RAPGEF2: variants seen among roughly 807,000 people sequenced by gnomAD.
RAPGEF2 encodes the protein Rap guanine nucleotide exchange factor 2.
Under a neutral mutation model 186.7 loss-of-function variants are expected in RAPGEF2, and 54 were observed. The ratio of observed to expected loss-of-function variants is 0.29; its 90% CI spans 0.23 to 0.36. RAPGEF2 has a LOEUF of 0.36. Among genes scored for constraint, RAPGEF2 ranks in the 10% least tolerant of loss-of-function variants. RAPGEF2 has a pLI of 1.00. For synonymous variants in RAPGEF2, 712 were observed against 705.9 expected (o/e 1.01, Z -0.14); for missense variants, 1,532 against 2,045.0 (o/e 0.75, Z 4.84).
chr4:159,103,816 G>C lies in RAPGEF2; in HGVS notation c.-347G>C, dbSNP rs1355685004. On this transcript the variant is annotated 5_prime_UTR_variant, in exon 1 of 30. Coordinates refer to ENST00000691494, the MANE Select transcript of RAPGEF2 (RefSeq NM_001394067.2). Reference sequence around the variant, plus strand: ...GAGCCGCCACTGTCCCCCGAGTGGAGCCGGGGAGGCGTGTCGAGCCAGGGC... The same window carrying C: ...GAGCCGCCACTGTCCCCCGAGTGGACCCGGGGAGGCGTGTCGAGCCAGGGC... 6.5e-6 allele frequency: 1 copy of C among 153,160 alleles called. No homozygotes were observed. The highest frequency in any genetic ancestry group is 1.5e-5 in the Non-Finnish European group (1 of 68,886). 9.5% of individuals were successfully genotyped at this position (153,160 alleles called of 1,614,324 possible).
At chr4:159,273,678 CTTT>C (rs1561188984) in intron 7 of RAPGEF2, among the ~76,000 whole-genome samples, 45 of 146,480 alleles carry the variant, frequency 3.1e-4, no homozygotes, top group Non-Finnish European at 7.6e-5. Context: ...TTCTTTCTTT[CTTT>C]CTTTCTTTCT....
At chr4:159,146,739 A>G (rs938782194) in intron 1 of RAPGEF2, among the ~76,000 whole-genome samples, 3 of 152,150 alleles carry the variant, frequency 2.0e-5, no homozygotes, top group Non-Finnish European at 4.4e-5. Context: ...TTCACTGCCT[A>G]TTGTGGGGCT....
chr4:159,262,617 A>G (rs917669358), intron 7 of RAPGEF2, among the ~76,000 whole-genome samples: 2 of 152,210 alleles, frequency 1.3e-5, no homozygotes, highest in African/African-American at 2.4e-5. Flanking sequence ...AAAGCCCCAC[A>G]TGGGAATTTC....
intron 4 of RAPGEF2, among the ~76,000 whole-genome samples, chr4:159,227,206 G>C (rs753812931): frequency 2.6e-5 from 4 of 152,176 alleles, no homozygotes; most frequent in Non-Finnish European, 5.9e-5. Flanking sequence ...CTTGAGATCA[G>C]TTCAGGTTCT....
At position 159,338,369 on chromosome 4, in the gene RAPGEF2, C is replaced by T. The variant is rs768684380; in HGVS notation, c.2194C>T (p.His732Tyr). 3.1e-6 allele frequency: 5 copies of T among 1,613,994 alleles called. No individual in the cohort carries two copies. The African/African-American group carries it at 6.7e-5, about 22-fold the overall frequency. Residue 732 changes from histidine to tyrosine, a missense_variant, in exon 18 of 30, where the codon CAC becomes TAC. His to Tyr is a moderately conservative substitution (Grantham distance 83). Coordinates refer to ENST00000691494, the MANE Select transcript of RAPGEF2 (RefSeq NM_001394067.2). ...DSIVGLRQTK[H>Y]IPTALPVSGT... ...CATAGTAGGATTAAGGCAGACAAAGCACATCCCAACTGCATTGCCTGTCAG... is the reference window on the plus strand; with the variant it reads ...CATAGTAGGATTAAGGCAGACAAAGTACATCCCAACTGCATTGCCTGTCAG...
intron 1 of RAPGEF2, among the ~76,000 whole-genome samples, chr4:159,146,200 G>A (rs1158878093): frequency 1.3e-5 from 2 of 152,054 alleles, no homozygotes; most frequent in African/African-American, 2.4e-5. Context: ...GTTTATCACT[G>A]TAAGGAGAAT....
intron 1 of RAPGEF2, among the ~76,000 whole-genome samples, chr4:159,129,067 CATT>C (rs1216137912): frequency 2.0e-5 from 3 of 151,042 alleles, no homozygotes; most frequent in Admixed American, 6.6e-5. Context: ...AATCTGTCAT[CATT>C]CTGTATTTAA....
intron 4 of RAPGEF2, among the ~76,000 whole-genome samples, chr4:159,237,845 A>T (rs1579558207): frequency 1.5e-4 from 5 of 32,752 alleles, no homozygotes; most frequent in Non-Finnish European, 4.4e-4. Context: ...CAAAAATTAA[A>T]AAAAAAAAAA....
intron 1 of RAPGEF2, among the ~76,000 whole-genome samples, chr4:159,182,984 G>A (rs1181678567): frequency 6.6e-6 from 1 of 152,096 alleles, no homozygotes; most frequent in African/African-American, 2.4e-5. Flanking sequence ...TTTTAAGATG[G>A]CAATACTACT....
At chr4:159,234,761 C>CTAT (rs1409336189) in intron 4 of RAPGEF2, among the ~76,000 whole-genome samples, 2 of 149,644 alleles carry the variant, frequency 1.3e-5, no homozygotes, top group South Asian at 2.1e-4. Context: ...TGCTCCCAGC[C>CTAT]TATTATTATT....
chr4:159,178,840 T>C (rs746242048), intron 1 of RAPGEF2, among the ~76,000 whole-genome samples: 11 of 152,138 alleles, frequency 7.2e-5, no homozygotes, highest in Non-Finnish European at 1.3e-4. Flanking sequence ...ATTACAGGCG[T>C]GAGCCACCAC....
chr4:159,173,597 A>C (rs1746141722), intron 1 of RAPGEF2, among the ~76,000 whole-genome samples: 1 of 152,152 alleles, frequency 6.6e-6, no homozygotes, highest in Non-Finnish European at 1.5e-5. Flanking sequence ...ATTGAACACC[A>C]AGCTGAAGGT....
chr4:159,271,322 A>G (rs1386177779), intron 7 of RAPGEF2, among the ~76,000 whole-genome samples: 4 of 152,206 alleles, frequency 2.6e-5, no homozygotes. Flanking sequence ...TTTTTGTAGA[A>G]ATTGATTTAT....
intron 1 of RAPGEF2, among the ~76,000 whole-genome samples, chr4:159,138,958 G>T (rs10026263): frequency 0.01 from 1,583 of 152,320 alleles, 30 homozygotes; most frequent in African/African-American, 0.036. Flanking sequence ...GCAGAAGGAT[G>T]ATGTAAATTT....
At chr4:159,257,729 G>T (rs1362900770) in intron 7 of RAPGEF2, among the ~76,000 whole-genome samples, 1 of 152,198 alleles carries the variant, frequency 6.6e-6, no homozygotes, top group African/African-American at 2.4e-5. Context: ...AAGATGAGAT[G>T]GTTGTAGATG....
chr4:159,218,756 TA>T (rs879889034), intron 4 of RAPGEF2, among the ~76,000 whole-genome samples: 238 of 143,962 alleles, frequency 1.7e-3, no homozygotes, highest in Admixed American at 1.9e-3. Flanking sequence ...AGACTCCATC[TA>T]AAAAAAAAAA....
At chr4:159,223,214 C>T (rs373320172) in intron 4 of RAPGEF2, among the ~76,000 whole-genome samples, 2 of 121,448 alleles carry the variant, frequency 1.6e-5, no homozygotes, top group Non-Finnish European at 3.5e-5. Context: ...TTTCTTACGG[C>T]GTTATAGGGG....
intron 1 of RAPGEF2, among the ~76,000 whole-genome samples, chr4:159,120,508 A>G (rs905090549): frequency 2.0e-5 from 3 of 152,194 alleles, no homozygotes; most frequent in Admixed American, 6.5e-5. Flanking sequence ...ATTGTGTCCT[A>G]TCTTAGGACA....
At chr4:159,122,487 A>G (rs1739809159) in intron 1 of RAPGEF2, among the ~76,000 whole-genome samples, 1 of 152,232 alleles carries the variant, frequency 6.6e-6, no homozygotes. Flanking sequence ...TCAAAAAAAA[A>G]AAAAGTTAAA....
Sources: gnomAD v4.1 joint callset for allele counts (sites outside exome capture counted in the v4.1 genomes callset) on GRCh38, gnomAD v4.1.1 for gene constraint, MANE v1.5 for transcripts, NCBI Gene and HGNC (gene_info 2026-07-23, HGNC 2026-07-21) for gene names.